Variants in UBXN8 observed in about 807,000 individuals in gnomAD.
The protein encoded by UBXN8 is UBX domain protein 8.
Under a neutral mutation model 32.1 loss-of-function variants are expected in UBXN8, and 27 were observed. That is an observed-to-expected ratio of 0.84 (90% CI 0.62 to 1.16). The LOEUF (loss-of-function observed/expected upper bound fraction) is 1.16. Among genes scored for constraint, UBXN8 ranks in the 50% most tolerant of loss-of-function variants. The probability of loss-of-function intolerance (pLI) is 0.00; values close to 1 mark genes in which losing one functional copy is unlikely to be tolerated. For missense variants in UBXN8, 306 were observed against 311.4 expected (o/e 0.98, Z 0.13); for synonymous variants, 109 against 111.8 (o/e 0.98, Z 0.16).
chr8:30,754,915 T>C (rs1440116892), intron 4 of UBXN8, 128 bp downstream of exon 4: 2 of 1,241,500 alleles, frequency 1.6e-6, no homozygotes, highest in Admixed American at 3.9e-5. Context: ...TATCAGTTTT[T>C]GTTCAGCATA....
At chr8:30,756,167 G>A (rs1019122653) in intron 4 of UBXN8, 1 of 152,192 alleles carries the variant, frequency 6.6e-6, no homozygotes, top group African/African-American at 2.4e-5. Flanking sequence ...TTGAGACAGA[G>A]TCTCTCTCCA....
At chr8:30,746,515 A>ATT (rs58215831) in intron 1 of UBXN8, among the ~76,000 whole-genome samples, 2,304 of 121,428 alleles carry the variant, frequency 0.019, 147 homozygotes, top group South Asian at 0.031. Flanking sequence ...CTTAAGCTAG[A>ATT]TTTTTTTTTT....
chr8:30,766,585 A>C lies in UBXN8; in HGVS notation c.*191A>C. On this transcript the variant is annotated 3_prime_UTR_variant, in exon 8 of 8. Transcript: ENST00000265616. The stretch of plus-strand genomic sequence containing the variant: ...TATATAATAATCTGTGGACTGTGCC[A>C]TTTTACAGTGTACCAAATGAGAATG... 3 of 431,840 alleles carry C rather than the reference A, an allele frequency of 6.9e-6. No individual in the cohort carries two copies. The highest frequency in any genetic ancestry group is 1.1e-5 in the Non-Finnish European group (3 of 262,744). 26.8% of individuals were successfully genotyped at this position (431,840 alleles called of 1,614,324 possible). A position where few individuals can be genotyped will look rare whatever the true frequency, so the allele number is the denominator to read the frequency against.
chr8:30,756,909 A>G, intron 5 of UBXN8, 22 bp downstream of exon 5: 14 of 1,613,444 alleles, frequency 8.7e-6, no homozygotes, highest in Non-Finnish European at 1.1e-5. Flanking sequence ...CATGCCTCTC[A>G]TTGAATTGTG....
chr8:30,760,480 G>C (rs542168326), intron 5 of UBXN8, among the ~76,000 whole-genome samples: 1 of 88,358 alleles, frequency 1.1e-5, no homozygotes, highest in East Asian at 2.9e-4. Context: ...GTCTTGCTTT[G>C]TTGCAATGGT....
intron 7 of UBXN8, 67 bp downstream of exon 7, chr8:30,763,414 C>G (rs1416748990): frequency 6.8e-7 from 1 of 1,464,804 alleles, no homozygotes; most frequent in Non-Finnish European, 9.5e-7. Flanking sequence ...ATTCACATGC[C>G]GTGGGGGAAG....
upstream of UBXN8, chr8:30,744,075 A>C: frequency 1.2e-6 from 1 of 868,072 alleles, no homozygotes; most frequent in Non-Finnish European, 1.8e-6. Context: ...GTCAGTATTT[A>C]CCACGTTATT....
At chr8:30,743,795 G>C (rs1805274463), upstream of UBXN8, among the ~76,000 whole-genome samples, 1 of 152,208 alleles carries the variant, frequency 6.6e-6, no homozygotes, top group South Asian at 2.1e-4. Flanking sequence ...ATCCTATACG[G>C]CCACAAGGCC....
At position 30,764,754 on chromosome 8, in the gene UBXN8, A is replaced by ACTTT. The variant is rs1805950951; in HGVS notation, c.645+1408_645+1411dup. Among the ~76,000 whole-genome samples the ACTTT allele has an allele frequency of 2.0e-5, 3 of 152,298 alleles. No individual in the cohort carries two copies. The South Asian group carries it at 6.2e-4, about 32-fold the overall frequency. On this transcript the variant is annotated intron_variant, in intron 7 of 7. Transcript: ENST00000265616. ...CGTTGGGAAAACAGGGATTCTTAAA[A>ACTTT]CTTTAATAGTTTTTTGGCCGGGTAC...
At chr8:30,744,123 A>G, upstream of UBXN8, 1 of 1,502,082 alleles carries the variant, frequency 6.7e-7, no homozygotes, top group Non-Finnish European at 9.1e-7. Flanking sequence ...GAAGAGTTCC[A>G]CTTCCTTCCC....
intron 7 of UBXN8, among the ~76,000 whole-genome samples, chr8:30,763,680 T>C (rs1805924805): frequency 6.6e-6 from 1 of 151,480 alleles, no homozygotes; most frequent in Non-Finnish European, 1.5e-5. Context: ...ACTTTAGACT[T>C]TTTTTTTTCT....
upstream of UBXN8, among the ~76,000 whole-genome samples, chr8:30,730,318 A>C (rs914425815): frequency 6.6e-6 from 1 of 152,180 alleles, no homozygotes; most frequent in African/African-American, 2.4e-5. Flanking sequence ...GACCTTCTCA[A>C]CTGGAAAAAC....
At chr8:30,763,678 C>CT (rs1010682717) in intron 7 of UBXN8, among the ~76,000 whole-genome samples, 44 of 150,348 alleles carry the variant, frequency 2.9e-4, no homozygotes, top group East Asian at 3.9e-4. Context: ...TAACTTTAGA[C>CT]TTTTTTTTTT....
chr8:30,754,401 C>A, intron 3 of UBXN8: 1 of 554,548 alleles, frequency 1.8e-6, no homozygotes, highest in South Asian at 1.5e-5. Context: ...CCCATTCTCT[C>A]AGGAAATGGG....
chr8:30,760,809 G>C, intron 5 of UBXN8, 79 bp from the exon 6 acceptor site: 1 of 853,556 alleles, frequency 1.2e-6, no homozygotes, highest in Non-Finnish European at 1.9e-6. Flanking sequence ...TCTAAACTCT[G>C]TATTGAGAGG....
At chr8:30,741,639 A>T (rs768610314), upstream of UBXN8, among the ~76,000 whole-genome samples, 1 of 151,916 alleles carries the variant, frequency 6.6e-6, no homozygotes, top group Non-Finnish European at 1.5e-5. Flanking sequence ...TTTCGTAGAG[A>T]CAGGGTTTCA....
At chr8:30,749,346 T>C (rs554134028) in intron 1 of UBXN8, among the ~76,000 whole-genome samples, 1 of 149,960 alleles carries the variant, frequency 6.7e-6, no homozygotes, top group African/African-American at 2.5e-5. Flanking sequence ...TGAGCCAAGA[T>C]TGCGCCACTG....
At chr8:30,765,497 T>C (rs921399895) in intron 7 of UBXN8, among the ~76,000 whole-genome samples, 1 of 151,112 alleles carries the variant, frequency 6.6e-6, no homozygotes, top group Non-Finnish European at 1.5e-5. Context: ...TGGTCTCAAA[T>C]TTCTGTGCCA....
chr8:30,739,311 G>A (rs2956020), upstream of UBXN8, among the ~76,000 whole-genome samples: 140,032 of 150,648 alleles, frequency 0.93, 65,944 homozygotes, highest in Non-Finnish European at 1. Context: ...TTGGGAGGCC[G>A]AGGCGGGTGG....
Sources: allele counts gnomAD v4.1 joint callset (sites outside exome capture counted in the v4.1 genomes callset), GRCh38; gene constraint gnomAD v4.1.1; transcripts MANE v1.5; gene names NCBI Gene and HGNC (gene_info 2026-07-23, HGNC 2026-07-21).